OS9: variants seen among roughly 807,000 people sequenced by gnomAD.
OS9 encodes protein OS-9.
In OS9, 58 loss-of-function variants were observed where a neutral mutation model predicts 84.7. The ratio of observed to expected loss-of-function variants is 0.68; its 90% CI spans 0.55 to 0.85. The LOEUF (loss-of-function observed/expected upper bound fraction) is 0.85. OS9 is among the 40% of genes least tolerant of loss of function. The probability of loss-of-function intolerance (pLI) is 0.00; values close to 1 mark genes in which losing one functional copy is unlikely to be tolerated. For synonymous variants in OS9, 278 were observed against 320.8 expected, an observed-to-expected ratio of 0.87 and a Z score of 1.43; for missense variants, 760 against 850.9, an observed-to-expected ratio of 0.89 and a Z score of 1.33.
At position 57,697,862 on chromosome 12, in the gene OS9, A is replaced by AACACACACACACACACAC. The variant is rs71084786; in HGVS notation, c.579+1500_579+1517dup. ...ACTCCCAGGGAACCTAACATAAGCA[A>AACACACACACACACACAC]ACACACACACACACACACACACACA... On this transcript the variant is annotated intron_variant, in intron 5 of 14. Transcript: ENST00000315970. Among the ~76,000 whole-genome samples the AACACACACACACACACAC allele has an allele frequency of 1.2e-3, 142 of 116,426 alleles. 2 individuals are homozygous for AACACACACACACACACAC. Among genetic ancestry groups the AACACACACACACACACAC allele is most frequent in the African/African-American group, 3.8e-3 (110 of 28,908 alleles). 76.4% of individuals were successfully genotyped at this position (116,426 alleles called of 152,430 possible). A position where few individuals can be genotyped will look rare whatever the true frequency, so the allele number is the denominator to read the frequency against.
intron 5 of OS9, among the ~76,000 whole-genome samples, chr12:57,699,031 A>T (rs905703222): frequency 6.6e-6 from 1 of 152,212 alleles, no homozygotes; most frequent in Admixed American, 6.5e-5. Context: ...GGATGAAGAA[A>T]TGTGAATATT....
chr12:57,716,492 G>C lies in OS9; in HGVS notation c.973G>C (p.Gly325Arg). The C allele has an allele frequency of 6.4e-7, 1 of 1,574,684 alleles. No individual in the cohort carries two copies. The highest frequency in any genetic ancestry group is 8.6e-7 in the Non-Finnish European group (1 of 1,159,208). The change falls in exon 8 of 15, where the codon GGG becomes CGG. Residue 325 changes from glycine (G) to arginine (R), a missense_variant. Physicochemically the swap from Gly to Arg is moderately radical, Grantham distance 125. Coordinates refer to ENST00000315970, the MANE Select transcript of OS9 (RefSeq NM_006812.4). ...TGAGCCAGAGGACCAGGCCCCAGGA[G>C]GGGAGGAGGTGCCGGCTGAGGTGAG... The part of the protein sequence containing the change: ...LNEPEDQAPG[G>R]EEVPAEEQDP...
rs140992361 is a variant in OS9, at chr12:57,715,798, C to T, written c.618C>T (p.Tyr206=). Residue 206 remains tyrosine (Y), a synonymous_variant, in exon 6 of 15, where the codon TAC becomes TAT. Coordinates refer to ENST00000315970, the MANE Select transcript of OS9 (RefSeq NM_006812.4). ...CDEGAGISGD[Y]IDRVDEPLSC... ...AGGGTGCAGGTATCTCTGGGGACTA[C>T]ATCGATCGCGTGGACGAGCCCTTGT... 38 of 1,613,430 alleles carry T rather than the reference C, an allele frequency of 2.4e-5. No homozygotes were observed. In the African/African-American group the frequency reaches 3.6e-4, roughly 15 times the overall value.
intron 5 of OS9, 107 bp downstream of exon 5, chr12:57,696,480 C>G: frequency 1.6e-6 from 1 of 608,526 alleles, no homozygotes; most frequent in South Asian, 2.2e-5. Flanking sequence ...GGTCCCCTCC[C>G]AGACCCTAAA....
chr12:57,700,799 A>G (rs571012643), intron 5 of OS9, among the ~76,000 whole-genome samples: 1 of 152,114 alleles, frequency 6.6e-6, no homozygotes, highest in South Asian at 2.1e-4. Flanking sequence ...CAGGGCTGGG[A>G]TGCAGAACCC....
chr12:57,697,283 C>G (rs1229869063), intron 5 of OS9, among the ~76,000 whole-genome samples: 1 of 152,220 alleles, frequency 6.6e-6, no homozygotes, highest in Non-Finnish European at 1.5e-5. Flanking sequence ...TTGGCTCCAA[C>G]ACACCTGTAA....
intron 9 of OS9, among the ~76,000 whole-genome samples, chr12:57,717,194 G>A (rs1057489304): frequency 8.5e-5 from 13 of 152,220 alleles, no homozygotes; most frequent in Non-Finnish European, 1.2e-4. Context: ...CCTCAGAAGT[G>A]CATGGAAGAG....
At chr12:57,697,858 A>T (rs1953892237) in intron 5 of OS9, among the ~76,000 whole-genome samples, 1 of 42,848 alleles carries the variant, frequency 2.3e-5, no homozygotes, top group African/African-American at 7.5e-5. Context: ...ACCTAACATA[A>T]GCAAACACAC....
chr12:57,699,575 C>T (rs533387192), intron 5 of OS9, among the ~76,000 whole-genome samples: 18 of 152,280 alleles, frequency 1.2e-4, no homozygotes, highest in African/African-American at 4.1e-4. Context: ...TTAAAAACTG[C>T]TTATAGGCAA....
chr12:57,697,867 AC>A, intron 5 of OS9, among the ~76,000 whole-genome samples: 1 of 144,956 alleles, frequency 6.9e-6, no homozygotes, highest in East Asian at 2.0e-4. Flanking sequence ...AAGCAAACAC[AC>A]ACACACACAC....
intron 5 of OS9, among the ~76,000 whole-genome samples, chr12:57,713,687 G>A (rs545292042): frequency 2.0e-5 from 3 of 148,510 alleles, no homozygotes; most frequent in African/African-American, 5.0e-5. Context: ...CCCCTCCACC[G>A]CCCCACCCCA....
chr12:57,702,079 G>A (rs971106623), intron 5 of OS9, among the ~76,000 whole-genome samples: 1 of 152,200 alleles, frequency 6.6e-6, no homozygotes, highest in African/African-American at 2.4e-5. Flanking sequence ...ACAGGTGTGA[G>A]CCACCATGCC....
At chr12:57,714,497 G>A (rs967563796) in intron 5 of OS9, among the ~76,000 whole-genome samples, 3 of 151,282 alleles carry the variant, frequency 2.0e-5, no homozygotes, top group Admixed American at 1.3e-4. Flanking sequence ...GAGCCACCGC[G>A]CCCAGCCATG....
In OS9 at chr12:57,721,111, G is replaced by A. The variant is rs536033093; in HGVS notation, c.*202G>A. 20 of 562,622 alleles carry A rather than the reference G, an allele frequency of 3.6e-5. No homozygotes were observed. The highest frequency in any genetic ancestry group is 3.5e-4 in the East Asian group (11 of 31,642). The allele number at this position is 562,622 out of a possible 1,614,324, so 34.9% of individuals were successfully genotyped here. A position where few individuals can be genotyped will look rare whatever the true frequency, so the allele number is the denominator to read the frequency against. ...CTGGCAGCCACCTTGAGACCTCACC[G>A]GGCCTGTGATATTTGCTCTCCTGAA... On this transcript the variant is annotated 3_prime_UTR_variant, in exon 15 of 15. Transcript: ENST00000315970.
intron 9 of OS9, 126 bp downstream of exon 9, chr12:57,716,870 A>G (rs916556496): frequency 4.4e-5 from 34 of 779,518 alleles, no homozygotes; most frequent in African/African-American, 8.5e-5. Context: ...TCATTTTTAT[A>G]GGAGTTAATA....
At chr12:57,697,223 G>T (rs561664765) in intron 5 of OS9, among the ~76,000 whole-genome samples, 1 of 152,162 alleles carries the variant, frequency 6.6e-6, no homozygotes, top group Non-Finnish European at 1.5e-5. Flanking sequence ...CCCATGATGC[G>T]CAAGTCAAAT....
chr12:57,705,906 T>C (rs1954152411), intron 5 of OS9, among the ~76,000 whole-genome samples: 1 of 152,230 alleles, frequency 6.6e-6, no homozygotes, highest in African/African-American at 2.4e-5. Context: ...CAACTCTTTT[T>C]TGAACTCTTT....
chr12:57,720,133 C>A lies in OS9; in HGVS notation c.1635C>A (p.Val545=), dbSNP rs751053871. 12 of 1,614,098 alleles carry A rather than the reference C, an allele frequency of 7.4e-6. No homozygotes were observed. The highest frequency in any genetic ancestry group is 1.0e-5 in the Non-Finnish European group (12 of 1,180,022). Residue 545 remains valine (V), a synonymous_variant, in exon 13 of 15, where the codon GTC becomes GTA. Transcript: ENST00000315970. The part of the protein sequence containing the change: ...EDPEHRVRVR[V]TKLRLGGPNQ... Reference sequence around the variant, plus strand: ...CTGAGCACAGAGTCCGGGTCCGGGTCACCAAGCTCCGTCTCGGAGGCCCTA... The same window carrying A: ...CTGAGCACAGAGTCCGGGTCCGGGTAACCAAGCTCCGTCTCGGAGGCCCTA...
chr12:57,717,940 GA>G lies in OS9; in HGVS notation c.1119del (p.Gly374ValfsTer10). On this transcript the variant is annotated frameshift_variant, in exon 10 of 15. Transcript: ENST00000315970. LOFTEE classifies it high-confidence loss of function. ...ATTTGATTCGATTCATAGAGGAGCTGAAAGGTGGAACAAAAAAGGTATAGGC... is the reference window on the plus strand; with the variant it reads ...ATTTGATTCGATTCATAGAGGAGCTGAAGGTGGAACAAAAAAGGTATAGGC... Reference protein sequence around the residue: ...ADLIRFIEELKGGTKKGKPNI... With the variant: ...ADLIRFIEELXGGTKKGKPNI... The G allele has an allele frequency of 6.2e-7, 1 of 1,612,610 alleles. No individual in the cohort carries two copies. The highest frequency in any genetic ancestry group is 1.7e-5 in the Admixed American group (1 of 59,686).
Sources: allele counts gnomAD v4.1 joint callset (sites outside exome capture counted in the v4.1 genomes callset), GRCh38; gene constraint gnomAD v4.1.1; transcripts MANE v1.5; gene names NCBI Gene and HGNC (gene_info 2026-07-23, HGNC 2026-07-21).